The following NCKAP5 variants were observed in gnomAD, a reference collection of about 807,000 sequenced individuals.
NCKAP5 encodes NCK associated protein 5.
A neutral mutation model predicts 167.0 loss-of-function variants in NCKAP5; 92 were observed. The ratio of observed to expected loss-of-function variants is 0.55; its 90% CI spans 0.47 to 0.66. The LOEUF is 0.66. NCKAP5 is among the 30% of genes least tolerant of loss of function. NCKAP5 has a pLI of 0.00. For missense variants in NCKAP5, 2,378 were observed against 2,315.0 expected, an observed-to-expected ratio of 1.03 and a Z score of -0.56; for synonymous variants, 891 against 877.4, an observed-to-expected ratio of 1.02 and a Z score of -0.27.
At chr2:132,859,241 T>C (rs574056423) in intron 11 of NCKAP5, among the ~76,000 whole-genome samples, 2 of 152,296 alleles carry the variant, frequency 1.3e-5, no homozygotes, top group East Asian at 3.9e-4. Flanking sequence ...TTATTTTAAT[T>C]TGGGGGGCAA....
chr2:133,211,147 C>T (rs968127006), intron 5 of NCKAP5, among the ~76,000 whole-genome samples: 14 of 152,148 alleles, frequency 9.2e-5, no homozygotes, highest in African/African-American at 3.4e-4. Flanking sequence ...CTCCCCCAGA[C>T]ATCCCCATGG....
intron 6 of NCKAP5, among the ~76,000 whole-genome samples, chr2:133,116,570 A>G (rs2082092826): frequency 6.6e-6 from 1 of 151,858 alleles, no homozygotes; most frequent in South Asian, 2.1e-4. Context: ...AAATACACTG[A>G]TATATTCTCA....
chr2:133,574,535 G>A, the NCKAP5 span, among the ~76,000 whole-genome samples: 14 of 151,958 alleles, frequency 9.2e-5, no homozygotes, highest in Non-Finnish European at 1.8e-4. Flanking sequence ...CGACAAAAAT[G>A]GGAGTGGTGG....
chr2:132,876,090 T>A lies in NCKAP5; in HGVS notation c.648+2758A>T, dbSNP rs117299435. 6.5e-4 allele frequency among the ~76,000 whole-genome samples: 99 copies of A among 152,242 alleles called. 2 individuals are homozygous for A. The East Asian group carries it at 0.018, about 28-fold the overall frequency. ...GTGCAAGAAGGATTGAAGAACATTT[T>A]GTTTATTTATTTGAGATGAGGTTTC... On this transcript the variant is annotated intron_variant, in intron 9 of 19. Coordinates refer to ENST00000409261, the MANE Select transcript of NCKAP5 (RefSeq NM_207363.3).
intron 5 of NCKAP5, among the ~76,000 whole-genome samples, chr2:133,158,044 T>C (rs990813454): frequency 6.6e-6 from 1 of 152,202 alleles, no homozygotes; most frequent in African/African-American, 2.4e-5. Context: ...AAAGGGTAGA[T>C]GTGCTTCTAA....
chr2:133,585,744 C>T, the NCKAP5 span, among the ~76,000 whole-genome samples: 1 of 152,166 alleles, frequency 6.6e-6, no homozygotes, highest in Admixed American at 6.5e-5. Flanking sequence ...TGCTCTTTTA[C>T]AAATGAGGAA....
chr2:133,078,696 G>C (rs2080699056), intron 6 of NCKAP5, among the ~76,000 whole-genome samples: 1 of 152,164 alleles, frequency 6.6e-6, no homozygotes, highest in South Asian at 2.1e-4. Flanking sequence ...ATCACTGGCT[G>C]CCTCTTTACA....
intron 3 of NCKAP5, among the ~76,000 whole-genome samples, chr2:133,422,073 T>C (rs1386682333): frequency 1.3e-5 from 2 of 152,256 alleles, no homozygotes; most frequent in Non-Finnish European, 2.9e-5. Flanking sequence ...TGTGCTATTG[T>C]GCTAGAGCAC....
At chr2:133,002,613 G>A (rs2077825319) in intron 6 of NCKAP5, among the ~76,000 whole-genome samples, 2 of 152,136 alleles carry the variant, frequency 1.3e-5, no homozygotes, top group Admixed American at 1.3e-4. Flanking sequence ...CCTGCCCACT[G>A]GGTACTCTCA....
At chr2:133,344,481 A>T (rs1683825986) in intron 3 of NCKAP5, among the ~76,000 whole-genome samples, 1 of 152,036 alleles carries the variant, frequency 6.6e-6, no homozygotes, top group African/African-American at 2.4e-5. Context: ...AGTGAGCACA[A>T]AGGCAGCACC....
At chr2:133,421,195 T>C (rs918516111) in intron 3 of NCKAP5, among the ~76,000 whole-genome samples, 3 of 152,174 alleles carry the variant, frequency 2.0e-5, no homozygotes, top group Admixed American at 2.0e-4. Context: ...AACTCACCTC[T>C]GCTTGCTCCC....
At chr2:132,720,040 G>T (rs1341051818) in intron 19 of NCKAP5, among the ~76,000 whole-genome samples, 1 of 152,098 alleles carries the variant, frequency 6.6e-6, no homozygotes, top group African/African-American at 2.4e-5. Flanking sequence ...AGGTCCATTG[G>T]GTCCAGGTGA....
intron 4 of NCKAP5, among the ~76,000 whole-genome samples, chr2:133,295,419 C>A (rs1400155641): frequency 6.6e-6 from 1 of 152,008 alleles, no homozygotes; most frequent in African/African-American, 2.4e-5. Context: ...CTGAGAAGTT[C>A]TACAATTAAA....
At chr2:132,746,192 G>A (rs931621548) in intron 16 of NCKAP5, among the ~76,000 whole-genome samples, 2 of 152,122 alleles carry the variant, frequency 1.3e-5, no homozygotes, top group Non-Finnish European at 2.9e-5. Context: ...GTGTGGTATT[G>A]GGTAAGGATT....
At chr2:133,516,752 AT>A (rs1454624587) in intron 3 of NCKAP5, among the ~76,000 whole-genome samples, 1 of 152,190 alleles carries the variant, frequency 6.6e-6, no homozygotes, top group African/African-American at 2.4e-5. Flanking sequence ...CTAAATCTCT[AT>A]TTCAGAAAGT....
chr2:132,783,525 C>A lies in NCKAP5; in HGVS notation c.3286G>T (p.Ala1096Ser). ...PGRKGQLNDS[A>S]STPPKPSFLG... ...AAGGAAGGCTTGGGGGGTGTGGAGG[C>A]GCTATCATTCAATTGTCCTTTTCTC... Residue 1096 changes from alanine to serine, a missense_variant, in exon 14 of 20, where the codon GCC becomes TCC. This residue lies in a region of NCKAP5 where 1,325 missense variants were observed against 1,274.5 expected (regional missense o/e 1.04). Coordinates refer to ENST00000409261, the MANE Select transcript of NCKAP5 (RefSeq NM_207363.3). The A allele has an allele frequency of 6.2e-7, 1 of 1,613,162 alleles. No homozygotes were observed. The highest frequency in any genetic ancestry group is 8.5e-7 in the Non-Finnish European group (1 of 1,179,508).
chr2:133,461,544 A>C (rs954039835), intron 3 of NCKAP5, among the ~76,000 whole-genome samples: 1 of 152,198 alleles, frequency 6.6e-6, no homozygotes, highest in East Asian at 1.9e-4. Flanking sequence ...GCGCCCACTC[A>C]GAGTTCCAAG....
chr2:133,295,422 C>T (rs1408594184), intron 4 of NCKAP5, among the ~76,000 whole-genome samples: 1 of 152,070 alleles, frequency 6.6e-6, no homozygotes, highest in East Asian at 1.9e-4. Context: ...AGAAGTTCTA[C>T]AATTAAAACA....
chr2:133,665,996 CA>C, the NCKAP5 span, among the ~76,000 whole-genome samples: 1 of 151,488 alleles, frequency 6.6e-6, no homozygotes, highest in Non-Finnish European at 1.5e-5. Flanking sequence ...TTCAGCAATA[CA>C]AAAATGTAAG....
Sources: allele counts gnomAD v4.1 joint callset (sites outside exome capture counted in the v4.1 genomes callset), GRCh38; gene constraint gnomAD v4.1.1; regional missense constraint gnomAD v4.1.1; transcripts MANE v1.5; gene names NCBI Gene and HGNC (gene_info 2026-07-23, HGNC 2026-07-21).